The following RASGEF1C variants were observed in gnomAD, a reference collection of about 807,000 sequenced individuals.
The protein encoded by RASGEF1C is ras-GEF domain-containing family member 1C.
A neutral mutation model predicts 58.1 loss-of-function variants in RASGEF1C; 27 were observed. That is an observed-to-expected ratio of 0.46 (90% CI 0.34 to 0.64). RASGEF1C has a LOEUF of 0.64. Ranked by LOEUF, RASGEF1C falls within the 30% of genes least tolerant of loss-of-function variation. The probability of loss-of-function intolerance (pLI) is 0.01; values close to 1 mark genes in which losing one functional copy is unlikely to be tolerated. For synonymous variants in RASGEF1C, 243 were observed against 246.3 expected, an observed-to-expected ratio of 0.99 and a Z score of 0.13; for missense variants, 502 against 605.1, an observed-to-expected ratio of 0.83 and a Z score of 1.79.
intron 8 of RASGEF1C, 78 bp downstream of exon 8, chr5:180,119,268 T>C: frequency 8.1e-7 from 1 of 1,237,236 alleles, no homozygotes; most frequent in Non-Finnish European, 1.2e-6. Flanking sequence ...GCTTGCACTC[T>C]GCCTGCCTGG....
intron 1 of RASGEF1C, among the ~76,000 whole-genome samples, chr5:180,142,111 G>T (rs1194441180): frequency 6.6e-6 from 1 of 152,116 alleles, no homozygotes; most frequent in East Asian, 1.9e-4. Flanking sequence ...TGCATAGATG[G>T]GCTGTCAGCA....
intron 1 of RASGEF1C, among the ~76,000 whole-genome samples, chr5:180,167,421 C>T (rs557034994): frequency 7.2e-5 from 11 of 152,196 alleles, no homozygotes; most frequent in Admixed American, 3.3e-4. Flanking sequence ...ACCTTGGAGG[C>T]GGAGGCGCAG....
At chr5:180,144,014 A>T (rs527742944) in intron 1 of RASGEF1C, among the ~76,000 whole-genome samples, 2 of 152,202 alleles carry the variant, frequency 1.3e-5, no homozygotes, top group South Asian at 4.2e-4. Context: ...GAGCTCTGAG[A>T]AGAGGGAGCA....
intron 1 of RASGEF1C, among the ~76,000 whole-genome samples, chr5:180,141,852 G>T (rs908993951): frequency 6.6e-6 from 1 of 151,896 alleles, no homozygotes; most frequent in Non-Finnish European, 1.5e-5. Flanking sequence ...TGGGATTACA[G>T]GTGCCCACCA....
intron 1 of RASGEF1C, among the ~76,000 whole-genome samples, chr5:180,162,982 G>A (rs1420339988): frequency 6.6e-6 from 1 of 152,124 alleles, no homozygotes; most frequent in African/African-American, 2.4e-5. Flanking sequence ...TCTTTGGGGG[G>A]CTGGGAGTAG....
At chr5:180,176,858 G>A (rs557062494) in intron 1 of RASGEF1C, among the ~76,000 whole-genome samples, 5 of 152,222 alleles carry the variant, frequency 3.3e-5, no homozygotes, top group African/African-American at 9.6e-5. Flanking sequence ...GCCTGGTCCC[G>A]GGGCTAATAC....
intron 1 of RASGEF1C, among the ~76,000 whole-genome samples, chr5:180,193,317 A>G (rs1756203418): frequency 6.6e-6 from 1 of 151,784 alleles, no homozygotes; most frequent in African/African-American, 2.4e-5. Context: ...GGCCTCCCAA[A>G]GTGCTGGGAT....
Position 180,191,983 on chromosome 5 carries a change from G to A in RASGEF1C, c.-7+17045C>T, listed in dbSNP as rs528672644. ...GGCCGTGAGTCTCAGGACCTCAGCTGTGAGAGGCCACCCACTTTCTCCACA... is the reference window on the plus strand; with the variant it reads ...GGCCGTGAGTCTCAGGACCTCAGCTATGAGAGGCCACCCACTTTCTCCACA... On this transcript the variant is annotated intron_variant, in intron 1 of 13. Transcript: ENST00000361132. Among the ~76,000 whole-genome samples the A allele has an allele frequency of 3.3e-5, 5 of 152,296 alleles. No homozygotes were observed. In the East Asian group the frequency reaches 9.7e-4, roughly 29 times the overall value.
intron 1 of RASGEF1C, among the ~76,000 whole-genome samples, chr5:180,150,806 T>C (rs1173319704): frequency 6.6e-6 from 1 of 152,080 alleles, no homozygotes; most frequent in East Asian, 1.9e-4. Flanking sequence ...TGATTGTATA[T>C]CTAGAAAACC....
rs762904367 is a variant in RASGEF1C, at chr5:180,200,310, C to CTTTTTTTT, written c.-7+8710_-7+8717dup. On this transcript the variant is annotated intron_variant, in intron 1 of 13. Transcript: ENST00000361132. ...ATGAAGAGATGAAGAGTACATCATT[C>CTTTTTTTT]TTTTTTTTTTTTTTTTTGAGATAGA... Among the ~76,000 whole-genome samples, 322 of 90,176 alleles carry CTTTTTTTT rather than the reference C, an allele frequency of 3.6e-3. 30 individuals are homozygous for CTTTTTTTT. Among genetic ancestry groups the CTTTTTTTT allele is most frequent in the East Asian group, 7.3e-3 (19 of 2,596 alleles). The allele number at this position is 90,176 out of a possible 152,430, so 59.2% of individuals were successfully genotyped here.
intron 5 of RASGEF1C, 82 bp downstream of exon 5, chr5:180,128,328 T>G: frequency 1.5e-6 from 2 of 1,300,252 alleles, no homozygotes; most frequent in Non-Finnish European, 2.2e-6. Context: ...GTGGGGCTGC[T>G]CTGGGAAGCC....
At chr5:180,117,988 C>A (rs527674111) in intron 10 of RASGEF1C, among the ~76,000 whole-genome samples, 2,781 of 94,248 alleles carry the variant, frequency 0.03, 37 homozygotes, top group Non-Finnish European at 0.037. Flanking sequence ...AGAGAGACTC[C>A]ATCTCCAAAA....
At chr5:180,181,030 C>T (rs1015585321) in intron 1 of RASGEF1C, among the ~76,000 whole-genome samples, 10 of 152,322 alleles carry the variant, frequency 6.6e-5, no homozygotes, top group African/African-American at 2.2e-4. Context: ...ACTCGAAATG[C>T]GTCACGCCCA....
intron 1 of RASGEF1C, among the ~76,000 whole-genome samples, chr5:180,165,750 C>CTTTTTTTTT (rs372734323): frequency 9.3e-6 from 1 of 107,370 alleles, no homozygotes; most frequent in Non-Finnish European, 1.8e-5. Context: ...TTAATTTTTC[C>CTTTTTTTTT]TTTTTTTTTT....
intron 6 of RASGEF1C, among the ~76,000 whole-genome samples, chr5:180,124,488 C>A (rs1766223941): frequency 6.6e-6 from 1 of 152,164 alleles, no homozygotes; most frequent in Non-Finnish European, 1.5e-5. Context: ...TTTCATTTAT[C>A]CCAGTTTCGT....
At chr5:180,170,308 G>A (rs377395438) in intron 1 of RASGEF1C, among the ~76,000 whole-genome samples, 3 of 152,128 alleles carry the variant, frequency 2.0e-5, no homozygotes, top group East Asian at 1.9e-4. Flanking sequence ...CCATAGGGCC[G>A]CCAGCCAGGA....
intron 1 of RASGEF1C, among the ~76,000 whole-genome samples, chr5:180,182,140 G>C (rs965544906): frequency 1.4e-5 from 2 of 140,628 alleles, no homozygotes; most frequent in African/African-American, 2.8e-5. Context: ...GGGAGGTGGA[G>C]CTTGCAGTGA....
At chr5:180,174,587 CGTGTGT>C (rs10533092) in intron 1 of RASGEF1C, among the ~76,000 whole-genome samples, 43 of 147,474 alleles carry the variant, frequency 2.9e-4, no homozygotes, top group African/African-American at 4.8e-4. Context: ...TGTGTGCGCA[CGTGTGT>C]GTGTGTGTGC....
intron 12 of RASGEF1C, among the ~76,000 whole-genome samples, chr5:180,105,328 G>C (rs770935239): frequency 1.4e-5 from 2 of 145,250 alleles, no homozygotes; most frequent in African/African-American, 5.1e-5. Flanking sequence ...TTTGGGAGGC[G>C]GAGGTGGGCA....
Sources: gnomAD v4.1 joint callset for allele counts (sites outside exome capture counted in the v4.1 genomes callset) on GRCh38, gnomAD v4.1.1 for gene constraint, MANE v1.5 for transcripts, NCBI Gene and HGNC (gene_info 2026-07-23, HGNC 2026-07-21) for gene names.